The following CNBD1 variants were observed in gnomAD, a reference collection of about 807,000 sequenced individuals.
CNBD1 encodes cyclic nucleotide-binding domain-containing protein 1.
In CNBD1, 71 loss-of-function variants were observed where a neutral mutation model predicts 54.4. The ratio of observed to expected loss-of-function variants is 1.30; its 90% CI spans 1.08 to 1.59. The LOEUF (loss-of-function observed/expected upper bound fraction) is 1.59. Ranked by LOEUF, CNBD1 falls within the 40% of genes most tolerant of loss-of-function variation. The pLI, the probability that CNBD1 is intolerant of heterozygous loss-of-function variation, is 0.00. For missense variants in CNBD1, 659 were observed against 518.0 expected (o/e 1.27, Z -2.64); for synonymous variants, 182 against 170.7 (o/e 1.07, Z -0.51).
chr8:86,914,860 T>C (rs1381612487), intron 3 of CNBD1, among the ~76,000 whole-genome samples: 2 of 152,172 alleles, frequency 1.3e-5, no homozygotes, highest in African/African-American at 4.8e-5. Context: ...AATGGAATAG[T>C]AAAGAAGAAA....
intron 10 of CNBD1, among the ~76,000 whole-genome samples, chr8:87,372,670 G>C (rs757947740): frequency 4.6e-5 from 7 of 151,738 alleles, no homozygotes; most frequent in Non-Finnish European, 7.4e-5. Flanking sequence ...CCACAAATAA[G>C]TGGCCTCTTT....
chr8:87,244,638 T>G (rs1401665088), intron 6 of CNBD1, among the ~76,000 whole-genome samples: 1 of 152,126 alleles, frequency 6.6e-6, no homozygotes, highest in African/African-American at 2.4e-5. Context: ...GACATTTAAA[T>G]GGTTCTTTGC....
chr8:87,297,203 A>G (rs1808894600), intron 8 of CNBD1, among the ~76,000 whole-genome samples: 3 of 151,364 alleles, frequency 2.0e-5, no homozygotes, highest in African/African-American at 7.3e-5. Flanking sequence ...ATTAAATAAT[A>G]TATTTTATGT....
intron 10 of CNBD1, among the ~76,000 whole-genome samples, chr8:87,370,427 T>C (rs1215179414): frequency 3.3e-5 from 5 of 152,108 alleles, no homozygotes; most frequent in African/African-American, 4.8e-5. Flanking sequence ...TTCTAACTGG[T>C]GTGAGATGGT....
At chr8:87,397,279 A>C (rs1277075654) in intron 2 of CNBD1, among the ~76,000 whole-genome samples, 2 of 151,916 alleles carry the variant, frequency 1.3e-5, no homozygotes, top group Non-Finnish European at 2.9e-5. Flanking sequence ...GCCTCCCATG[A>C]CTAGAAATGT....
chr8:87,015,977 C>CAAAAAAAAAA (rs58453987), intron 4 of CNBD1, among the ~76,000 whole-genome samples: 1 of 55,956 alleles, frequency 1.8e-5, no homozygotes, highest in African/African-American at 6.9e-5. Flanking sequence ...GAATCCGTCT[C>CAAAAAAAAAA]AAAAAAAAAA....
chr8:87,119,859 T>G (rs1341381256), intron 4 of CNBD1, among the ~76,000 whole-genome samples: 1 of 152,150 alleles, frequency 6.6e-6, no homozygotes, highest in Non-Finnish European at 1.5e-5. Context: ...TTGTCCATTT[T>G]GTTGATGTGA....
At chr8:87,228,821 CG>C (rs966146488) in intron 5 of CNBD1, among the ~76,000 whole-genome samples, 1 of 152,174 alleles carries the variant, frequency 6.6e-6, no homozygotes, top group Non-Finnish European at 1.5e-5. Context: ...TGGGCAATGG[CG>C]GGCGCCCCTC....
intron 6 of CNBD1, among the ~76,000 whole-genome samples, chr8:87,248,987 A>G (rs1807861243): frequency 6.6e-6 from 1 of 152,120 alleles, no homozygotes; most frequent in African/African-American, 2.4e-5. Context: ...AAGTATATCA[A>G]CTCACTACTA....
chr8:87,334,666 A>G (rs975720243), intron 8 of CNBD1, among the ~76,000 whole-genome samples: 2 of 145,650 alleles, frequency 1.4e-5, no homozygotes, highest in Non-Finnish European at 3.0e-5. Flanking sequence ...TTCAATTTCT[A>G]TGTAGTTGTG....
chr8:87,046,351 A>T (rs973035719), intron 4 of CNBD1, among the ~76,000 whole-genome samples: 26 of 152,162 alleles, frequency 1.7e-4, no homozygotes, highest in African/African-American at 6.3e-4. Flanking sequence ...TCTCTCAGTT[A>T]GATCTCCATA....
At chr8:87,109,052 A>G (rs994951622) in intron 4 of CNBD1, among the ~76,000 whole-genome samples, 1 of 152,216 alleles carries the variant, frequency 6.6e-6, no homozygotes, top group Non-Finnish European at 1.5e-5. Flanking sequence ...AAGTTAATAT[A>G]TTCAGTTTAT....
chr8:86,996,262 C>T (rs996150472), intron 4 of CNBD1, among the ~76,000 whole-genome samples: 2 of 152,110 alleles, frequency 1.3e-5, no homozygotes, highest in African/African-American at 4.8e-5. Context: ...ATTTGTGCTT[C>T]TGTTGTATGT....
At chr8:87,159,670 T>G (rs1812815459) in intron 4 of CNBD1, among the ~76,000 whole-genome samples, 1 of 152,082 alleles carries the variant, frequency 6.6e-6, no homozygotes, top group Admixed American at 6.6e-5. Flanking sequence ...GGACTCAGTT[T>G]CTGATGTTAT....
In CNBD1 at chr8:87,325,036, A is replaced by C. The variant is rs1259467030; in HGVS notation, c.1043-26649A>C. ...CTCGTTGGTTTCAAAGAACATCTTT[A>C]TTTCTGCCTTCATTTCGTTATGTAC... On this transcript the variant is annotated intron_variant, in intron 8 of 10. Coordinates refer to ENST00000518476, the MANE Select transcript of CNBD1 (RefSeq NM_173538.3). Among the ~76,000 whole-genome samples, 19 of 100,406 alleles carry C rather than the reference A, an allele frequency of 1.9e-4. 3 individuals carry two copies. The highest frequency in any genetic ancestry group is 4.4e-4 in the Admixed American group (5 of 11,372). The allele number at this position is 100,406 out of a possible 152,430, so 65.9% of individuals were successfully genotyped here. A position where few individuals can be genotyped will look rare whatever the true frequency, so the allele number is the denominator to read the frequency against.
At chr8:87,224,642 G>A (rs1389445416) in intron 5 of CNBD1, among the ~76,000 whole-genome samples, 2 of 151,746 alleles carry the variant, frequency 1.3e-5, no homozygotes, top group East Asian at 1.9e-4. Context: ...TTTGGTTACT[G>A]TAGCCTTGTA....
intron 4 of CNBD1, among the ~76,000 whole-genome samples, chr8:87,029,431 G>A (rs1289684819): frequency 6.6e-6 from 1 of 152,080 alleles, no homozygotes; most frequent in Non-Finnish European, 1.5e-5. Context: ...TCCAATTTTT[G>A]GGTGGTTATC....
At chr8:87,012,016 T>C (rs1235633582) in intron 4 of CNBD1, among the ~76,000 whole-genome samples, 1 of 152,130 alleles carries the variant, frequency 6.6e-6, no homozygotes, top group Non-Finnish European at 1.5e-5. Flanking sequence ...AATCCTACTA[T>C]AAATAAAATG....
At chr8:87,083,662 A>G (rs1413729825) in intron 4 of CNBD1, among the ~76,000 whole-genome samples, 4 of 143,384 alleles carry the variant, frequency 2.8e-5, no homozygotes, top group Admixed American at 2.2e-4. Flanking sequence ...GATCTCGGCT[A>G]AGTGCAAGCT....
Sources: allele counts gnomAD v4.1 joint callset (sites outside exome capture counted in the v4.1 genomes callset), GRCh38; gene constraint gnomAD v4.1.1; transcripts MANE v1.5; gene names NCBI Gene and HGNC (gene_info 2026-07-23, HGNC 2026-07-21).